The following SMG9 variants were observed in gnomAD, a reference collection of about 807,000 sequenced individuals.
The protein encoded by SMG9 is SMG9 nonsense mediated mRNA decay factor.
In SMG9, 55 loss-of-function variants were observed where a neutral mutation model predicts 64.0. The observed-to-expected ratio is 0.86, with a 90% CI of 0.69 to 1.08. The LOEUF is 1.08. Among genes scored for constraint, SMG9 ranks in the 50% least tolerant of loss-of-function variants. SMG9 has a pLI of 0.00. For missense variants in SMG9, 554 were observed against 681.3 expected (o/e 0.81, Z 2.08); for synonymous variants, 244 against 254.8 (o/e 0.96, Z 0.41).
rs1225536304 is a variant in SMG9, at chr19:43,740,106, C to A, written c.813+1G>T. ...GGGGCAAAGGCAGGCGGGGCTGGCACCTGTGTGTCCAGGAAAACAATCCGT... is the reference window on the plus strand; with the variant it reads ...GGGGCAAAGGCAGGCGGGGCTGGCAACTGTGTGTCCAGGAAAACAATCCGT... On this transcript the variant is annotated splice_donor_variant, in intron 7 of 13. Coordinates refer to ENST00000270066, the MANE Select transcript of SMG9 (RefSeq NM_019108.4). LOFTEE classifies it high-confidence loss of function. 3.7e-6 allele frequency: 6 copies of A among 1,606,440 alleles called. No individual in the cohort carries two copies. Among genetic ancestry groups the A allele is most frequent in the Non-Finnish European group, 5.1e-6 (6 of 1,173,076 alleles).
Position 43,730,999 on chromosome 19 carries a change from AG to A in SMG9, c.*596del, listed in dbSNP as rs1261578888. 1 of 404,166 alleles carries A rather than the reference AG, an allele frequency of 2.5e-6. No individual in the cohort carries two copies. The highest frequency in any genetic ancestry group is 2.2e-5 in the African/African-American group (1 of 45,914). The allele number at this position is 404,166 out of a possible 1,614,324, so 25.0% of individuals were successfully genotyped here. A position where few individuals can be genotyped will look rare whatever the true frequency, so the allele number is the denominator to read the frequency against. ...TTCCCATCCAAAACATACACAGGGGAGGCTTGATGCCACCCCAGGAAACAGA... is the reference window on the plus strand; with the variant it reads ...TTCCCATCCAAAACATACACAGGGGAGCTTGATGCCACCCCAGGAAACAGA... On this transcript the variant is annotated 3_prime_UTR_variant, in exon 14 of 14. Coordinates refer to ENST00000270066, the MANE Select transcript of SMG9 (RefSeq NM_019108.4).
chr19:43,747,970 C>T lies in SMG9; in HGVS notation c.225+8G>A, dbSNP rs35229976. The T allele has an allele frequency of 1.9e-6, 3 of 1,614,112 alleles. No homozygotes were observed. Among genetic ancestry groups the T allele is most frequent in the African/African-American group, 2.7e-5 (2 of 74,942 alleles). ...ACGGCTCCCCCTCCTCCCTCCTTCTCTGCTCACCCGCTCTGCTGGAGGTTT... is the reference window on the plus strand; with the variant it reads ...ACGGCTCCCCCTCCTCCCTCCTTCTTTGCTCACCCGCTCTGCTGGAGGTTT... On this transcript the variant is annotated splice_region_variant and intron_variant, in intron 3 of 13. Coordinates refer to ENST00000270066, the MANE Select transcript of SMG9 (RefSeq NM_019108.4).
In SMG9 at chr19:43,728,827, C is replaced by T; in HGVS notation, c.*2769G>A. ...GATTGAGCGGTGCTCATGTTTCCTG[C>T]AGTGGAGGGTGAGAAGGATACCAAT... On this transcript the variant is annotated 3_prime_UTR_variant, in exon 14 of 14. Coordinates refer to ENST00000270066, the MANE Select transcript of SMG9 (RefSeq NM_019108.4). 1 of 213,188 alleles carries T rather than the reference C, an allele frequency of 4.7e-6. No homozygotes were observed. The highest frequency in any genetic ancestry group is 8.1e-6 in the Non-Finnish European group (1 of 123,804). 13.2% of individuals were successfully genotyped at this position (213,188 alleles called of 1,614,324 possible).
chr19:43,743,305 G>A (rs1025559661), intron 6 of SMG9, among the ~76,000 whole-genome samples: 3 of 152,152 alleles, frequency 2.0e-5, no homozygotes, highest in Non-Finnish European at 2.9e-5. Context: ...TTCCAAAATG[G>A]AACCAAACTG....
At chr19:43,747,413 A>C in intron 5 of SMG9, 29 bp downstream of exon 5, 1 of 1,603,714 alleles carries the variant, frequency 6.2e-7, no homozygotes, top group Non-Finnish European at 8.5e-7. Flanking sequence ...GATGTGCGGA[A>C]GCTCAGGCAG....
chr19:43,733,265 G>A (rs1373847521), intron 12 of SMG9, 59 bp downstream of exon 12: 5 of 1,586,818 alleles, frequency 3.2e-6, no homozygotes, highest in Non-Finnish European at 3.4e-6. Context: ...TGGGTGCTGG[G>A]TCTCTCTCTG....
In SMG9 at chr19:43,747,678, T is replaced by A. The variant is rs1308811939; in HGVS notation, c.445A>T (p.Ile149Phe). The part of the protein sequence containing the change: ...GQRPTQPVYQ[I>F]QNRGMGTAAP... Reference sequence around the variant, plus strand: ...GCAGTGCCCATGCCCCGGTTCTGGATCTGGTACACAGGCTGTGTGGGTCTC... The same window carrying A: ...GCAGTGCCCATGCCCCGGTTCTGGAACTGGTACACAGGCTGTGTGGGTCTC... The change falls in exon 4 of 14, where the codon ATC becomes TTC. Residue 149 changes from isoleucine to phenylalanine, a missense_variant. Transcript: ENST00000270066. 3 of 1,612,156 alleles carry A rather than the reference T, an allele frequency of 1.9e-6. No individual in the cohort carries two copies. Among genetic ancestry groups the A allele is most frequent in the African/African-American group, 1.3e-5 (1 of 74,862 alleles).
At position 43,747,771 on chromosome 19, in the gene SMG9, T is replaced by C; in HGVS notation, c.352A>G (p.Thr118Ala). Residue 118 changes from threonine (T) to alanine (A), a missense_variant, in exon 4 of 14, where the codon ACC becomes GCC. By Grantham distance (58) the Thr-to-Ala change is moderately conservative (BLOSUM62 0). Transcript: ENST00000270066. ...GGTGGTGGGGCGGTGCCCTCAGGGG[T>C]AGAGGCACCTGTCACGGCCACAGGC... ...KGPVAVTGAS[T>A]PEGTAPPPPA... The C allele has an allele frequency of 1.2e-6, 2 of 1,608,040 alleles. No individual in the cohort carries two copies. The highest frequency in any genetic ancestry group is 8.5e-7 in the Non-Finnish European group (1 of 1,177,624).
At chr19:43,732,592 G>A (rs753821629) in intron 13 of SMG9, 8 of 476,220 alleles carry the variant, frequency 1.7e-5, no homozygotes, top group Non-Finnish European at 3.0e-5. Context: ...ACTTTTCCCC[G>A]AGCCTAAATT....
rs764532438 is a variant in SMG9, at chr19:43,747,817, C to A, written c.306G>T (p.Lys102Asn). 5.6e-6 allele frequency: 9 copies of A among 1,605,188 alleles called. No individual in the cohort carries two copies. Among genetic ancestry groups the A allele is most frequent in the Non-Finnish European group, 7.7e-6 (9 of 1,175,296 alleles). Residue 102 changes from lysine (K) to asparagine (N), a missense_variant, in exon 4 of 14, where the codon AAG becomes AAT. Coordinates refer to ENST00000270066, the MANE Select transcript of SMG9 (RefSeq NM_019108.4). ...CAGGCCCCTTCCCCTCCTCCCGTGG[C>A]TTCATGAGAACGATGGGCTTCTCCA... ...APLEKPIVLM[K>N]PREEGKGPVA...
intron 11 of SMG9, 39 bp from the exon 12 acceptor site, chr19:43,733,491 G>A (rs753082192): frequency 6.2e-7 from 1 of 1,613,356 alleles, no homozygotes; most frequent in African/African-American, 1.3e-5. Context: ...GTACCATGTT[G>A]TGGGTTTGGG....
intron 7 of SMG9, among the ~76,000 whole-genome samples, chr19:43,738,598 G>A (rs575816351): frequency 9.7e-4 from 148 of 152,104 alleles, no homozygotes; most frequent in Non-Finnish European, 1.8e-3. Flanking sequence ...AAACTGGTGA[G>A]AATTTTAAAA....
chr19:43,747,222 T>A (rs968460838), intron 5 of SMG9, among the ~76,000 whole-genome samples: 7 of 152,146 alleles, frequency 4.6e-5, no homozygotes, highest in African/African-American at 1.7e-4. Flanking sequence ...AGTACTTCTT[T>A]ACCAATCGGT....
chr19:43,731,687 C>A lies in SMG9; in HGVS notation c.1485-13G>T. The A allele has an allele frequency of 6.2e-7, 1 of 1,614,142 alleles. No homozygotes were observed. The highest frequency in any genetic ancestry group is 8.5e-7 in the Non-Finnish European group (1 of 1,179,988). ...AGCGTAGTGGAACCTGTGAGGAGGC[C>A]AACAGTCAGGGCTGCCTGGCCGGGG... On this transcript the variant is annotated splice_polypyrimidine_tract_variant and intron_variant, in intron 13 of 13. Transcript: ENST00000270066.
chr19:43,737,078 A>G (rs1052615338), intron 9 of SMG9, among the ~76,000 whole-genome samples: 1 of 152,168 alleles, frequency 6.6e-6, no homozygotes, highest in African/African-American at 2.4e-5. Flanking sequence ...GTTCAAAACC[A>G]GCCTAGCCAA....
At position 43,747,804 on chromosome 19, in the gene SMG9, C is replaced by A; in HGVS notation, c.319G>T (p.Gly107Trp). The A allele has an allele frequency of 1.2e-6, 2 of 1,605,484 alleles. No homozygotes were observed. The highest frequency in any genetic ancestry group is 1.7e-6 in the Non-Finnish European group (2 of 1,175,600). Residue 107 changes from glycine (G) to tryptophan (W), a missense_variant, in exon 4 of 14, where the codon GGG (glycine) becomes TGG (tryptophan). Gly to Trp is a radical substitution (Grantham distance 184). Transcript: ENST00000270066. ...PIVLMKPREE[G>W]KGPVAVTGAS... ...CCTGTCACGGCCACAGGCCCCTTCC[C>A]CTCCTCCCGTGGCTTCATGAGAACG...
At chr19:43,748,747 C>A (rs974325820) in intron 2 of SMG9, 1 of 520,186 alleles carries the variant, frequency 1.9e-6, no homozygotes, top group South Asian at 1.4e-5. Flanking sequence ...CCTTGAGTAA[C>A]CTCATGAGAG....
chr19:43,733,755 C>A (rs760601721), intron 10 of SMG9, 22 bp from the exon 11 acceptor site: 1 of 1,598,296 alleles, frequency 6.3e-7, no homozygotes, highest in South Asian at 1.1e-5. Flanking sequence ...AAGAGACGGG[C>A]CCTGTCAGGC....
rs908143661 is a variant in SMG9, at chr19:43,728,836, G to A, written c.*2760C>T. 4.2e-6 allele frequency: 1 copy of A among 237,050 alleles called. No individual in the cohort carries two copies. The highest frequency in any genetic ancestry group is 6.5e-5 in the Admixed American group (1 of 15,392). 14.7% of individuals were successfully genotyped at this position (237,050 alleles called of 1,614,324 possible). On this transcript the variant is annotated 3_prime_UTR_variant, in exon 14 of 14. Transcript: ENST00000270066. ...GTGCTCATGTTTCCTGCAGTGGAGGGTGAGAAGGATACCAATGTATTCCTG... is the reference window on the plus strand; with the variant it reads ...GTGCTCATGTTTCCTGCAGTGGAGGATGAGAAGGATACCAATGTATTCCTG...
Sources: allele counts gnomAD v4.1 joint callset (sites outside exome capture counted in the v4.1 genomes callset), GRCh38; gene constraint gnomAD v4.1.1; transcripts MANE v1.5; gene names NCBI Gene and HGNC (gene_info 2026-07-23, HGNC 2026-07-21).